MACROD2: variants seen among roughly 807,000 people sequenced by gnomAD.
MACROD2 encodes the protein mono-ADP ribosylhydrolase 2.
MACROD2 carries 36 observed loss-of-function variants against 70.4 expected under a neutral mutation model. The ratio of observed to expected loss-of-function variants is 0.51; its 90% CI spans 0.39 to 0.68. The LOEUF (loss-of-function observed/expected upper bound fraction) is 0.68, where lower values mean the gene tolerates loss of function less well. MACROD2 is among the 30% of genes least tolerant of loss of function. The pLI, the probability that MACROD2 is intolerant of heterozygous loss-of-function variation, is 0.00. For synonymous variants in MACROD2, 172 were observed against 178.8 expected (o/e 0.96, Z 0.30); for missense variants, 496 against 538.4 (o/e 0.92, Z 0.78).
chr20:14,472,330 T>C (rs2084539975), intron 3 of MACROD2, among the ~76,000 whole-genome samples: 1 of 152,196 alleles, frequency 6.6e-6, no homozygotes, highest in South Asian at 2.1e-4. Flanking sequence ...TCGTTCCTGT[T>C]TTATTCATTT....
chr20:15,282,725 A>G (rs1248359518), intron 6 of MACROD2, among the ~76,000 whole-genome samples: 3 of 152,198 alleles, frequency 2.0e-5, no homozygotes, highest in Admixed American at 2.0e-4. Flanking sequence ...AAACTTTCCC[A>G]CATCTTCCTG....
intron 3 of MACROD2, among the ~76,000 whole-genome samples, chr20:14,467,487 G>T (rs919937496): frequency 6.6e-6 from 1 of 152,014 alleles, no homozygotes; most frequent in Non-Finnish European, 1.5e-5. Flanking sequence ...TGCTTCCCGG[G>T]TGAGGCGATG....
intron 4 of MACROD2, among the ~76,000 whole-genome samples, chr20:14,571,732 G>C (rs1980206627): frequency 6.6e-6 from 1 of 151,954 alleles, no homozygotes; most frequent in Non-Finnish European, 1.5e-5. Flanking sequence ...TAAAATCAAA[G>C]GCAAATGAAT....
At chr20:14,615,580 G>C (rs1320477338) in intron 4 of MACROD2, among the ~76,000 whole-genome samples, 30 of 152,084 alleles carry the variant, frequency 2.0e-4, no homozygotes, top group Admixed American at 2.0e-3. Flanking sequence ...AGAGGTAATG[G>C]TGGGGAGGTA....
At chr20:15,940,614 A>G (rs2065738001) in intron 12 of MACROD2, among the ~76,000 whole-genome samples, 1 of 152,208 alleles carries the variant, frequency 6.6e-6, no homozygotes. Context: ...TTGAGGCAAG[A>G]CCCTAACCAG....
rs115307353 is a variant in MACROD2 at position 14,104,716 on chromosome 20, C to T, written c.271+18988C>T. On this transcript the variant is annotated intron_variant, in intron 3 of 17. Coordinates refer to ENST00000684519, the MANE Select transcript of MACROD2 (RefSeq NM_001351661.2). The stretch of plus-strand genomic sequence containing the variant: ...CCAGAGCACTTCTCCCTTTGCATCC[C>T]CAGCTTCAGAAGATGGACTAAGCCC... 6.2e-3 allele frequency among the ~76,000 whole-genome samples: 948 copies of T among 152,286 alleles called. 10 individuals carry two copies. The highest frequency in any genetic ancestry group is 0.022 in the African/African-American group (922 of 41,570).
chr20:15,736,338 A>G (rs1324056409), intron 8 of MACROD2, among the ~76,000 whole-genome samples: 1 of 152,212 alleles, frequency 6.6e-6, no homozygotes, highest in African/African-American at 2.4e-5. Flanking sequence ...CTTGTGGGTC[A>G]CTAGTATGAA....
chr20:14,565,360 T>A (rs6135182), intron 4 of MACROD2, among the ~76,000 whole-genome samples: 17,399 of 114,332 alleles, frequency 0.15, 1,360 homozygotes, highest in South Asian at 0.41. Context: ...AAAAAAAAAA[T>A]TTTTTTTTAA....
At chr20:15,853,540 T>C (rs983515301) in intron 8 of MACROD2, among the ~76,000 whole-genome samples, 9 of 151,740 alleles carry the variant, frequency 5.9e-5, no homozygotes, top group African/African-American at 1.9e-4. Flanking sequence ...TGAGAAGGAG[T>C]TGACATGCCT....
At chr20:14,067,831 A>G (rs2053785417) in intron 2 of MACROD2, among the ~76,000 whole-genome samples, 1 of 152,190 alleles carries the variant, frequency 6.6e-6, no homozygotes, top group Admixed American at 6.5e-5. Context: ...CAGTTTGCAC[A>G]GTGACTCAGC....
chr20:14,999,693 A>G lies in MACROD2; in HGVS notation c.419-230247A>G, dbSNP rs564897494. Among the ~76,000 whole-genome samples the G allele has an allele frequency of 2.5e-4, 38 of 152,286 alleles. 1 individual carries two copies. The highest frequency in any genetic ancestry group is 2.2e-3 in the Admixed American group (34 of 15,298). ...CAACAAAAAGTTAAAAAGCAGGAGA[A>G]TGAAGTTAAAATGTAGAGTTTTTAT... On this transcript the variant is annotated intron_variant, in intron 5 of 17. Coordinates refer to ENST00000684519, the MANE Select transcript of MACROD2 (RefSeq NM_001351661.2).
chr20:15,198,065 G>A (rs772057466), intron 5 of MACROD2, among the ~76,000 whole-genome samples: 4 of 150,530 alleles, frequency 2.7e-5, no homozygotes, highest in Non-Finnish European at 4.4e-5. Context: ...AGGTTCAAGC[G>A]ATTCTCCTGC....
intron 8 of MACROD2, among the ~76,000 whole-genome samples, chr20:15,727,070 T>A (rs1348244894): frequency 6.6e-6 from 1 of 152,180 alleles, no homozygotes; most frequent in East Asian, 1.9e-4. Context: ...AGGATTTAAG[T>A]CTTAATCCAT....
intron 3 of MACROD2, among the ~76,000 whole-genome samples, chr20:14,421,022 T>C (rs6079434): frequency 0.27 from 41,174 of 152,160 alleles, 5,698 homozygotes; most frequent in Admixed American, 0.31. Context: ...CACAAAAGTT[T>C]TACATTCTGA....
chr20:14,903,747 C>T (rs561891209), intron 5 of MACROD2, among the ~76,000 whole-genome samples: 182 of 152,092 alleles, frequency 1.2e-3, no homozygotes, highest in African/African-American at 4.0e-3. Context: ...TAACTGTTCC[C>T]GGCCAGTAAG....
intron 5 of MACROD2, among the ~76,000 whole-genome samples, chr20:14,701,390 T>C (rs1249377662): frequency 1.3e-5 from 2 of 152,158 alleles, no homozygotes; most frequent in Non-Finnish European, 2.9e-5. Context: ...CCTTGAACAT[T>C]TATACTTCTA....
At chr20:15,712,232 G>A (rs894522856) in intron 8 of MACROD2, among the ~76,000 whole-genome samples, 1 of 152,160 alleles carries the variant, frequency 6.6e-6, no homozygotes, top group Non-Finnish European at 1.5e-5. Flanking sequence ...GGGTTGTACT[G>A]CGTCTTTCTC....
rs557209835 is a variant in MACROD2, at chr20:14,366,226, T to C, written c.272-127253T>C. Among the ~76,000 whole-genome samples the C allele has an allele frequency of 1.2e-4, 18 of 152,296 alleles. No individual in the cohort carries two copies. In the South Asian group the frequency reaches 2.5e-3, roughly 21 times the overall value. On this transcript the variant is annotated intron_variant, in intron 3 of 17. Transcript: ENST00000684519. ...ATGTCTTCCACGATTATTGTATAAT[T>C]GGTTGCTTTTCCCTGCAATTCTGTC... is the stretch of plus-strand genomic sequence containing the variant.
chr20:15,672,237 G>A (rs1345984186), intron 8 of MACROD2, among the ~76,000 whole-genome samples: 1 of 151,916 alleles, frequency 6.6e-6, no homozygotes, highest in Non-Finnish European at 1.5e-5. Context: ...ATTAGCTTTG[G>A]ATCCAGGTTA....
Sources: allele counts gnomAD v4.1 joint callset (sites outside exome capture counted in the v4.1 genomes callset), GRCh38; gene constraint gnomAD v4.1.1; transcripts MANE v1.5; gene names NCBI Gene and HGNC (gene_info 2026-07-23, HGNC 2026-07-21).